The following RBFOX1 variants were observed in gnomAD, a reference collection of about 807,000 sequenced individuals.
The protein encoded by RBFOX1 is RNA binding fox-1 homolog 1.
RBFOX1 carries 8 observed loss-of-function variants against 57.7 expected under a neutral mutation model. That is an observed-to-expected ratio of 0.14 (90% CI 0.08 to 0.25). The LOEUF is 0.25. Ranked by LOEUF, RBFOX1 falls within the 10% of genes least tolerant of loss-of-function variation. The pLI is 1.00. For synonymous variants in RBFOX1, 326 were observed against 222.4 expected (o/e 1.47, Z -4.15); for missense variants, 611 against 548.5 (o/e 1.11, Z -1.14).
At chr16:6,852,016 C>T (rs1484396942) in intron 3 of RBFOX1, among the ~76,000 whole-genome samples, 1 of 148,418 alleles carries the variant, frequency 6.7e-6, no homozygotes, top group Non-Finnish European at 1.5e-5. Flanking sequence ...AGCTCCATCT[C>T]CCGGGTTCAT....
rs575712498 is a variant in RBFOX1 at position 5,762,393 on chromosome 16, G to A, written c.319-104910G>A. ...AAACGAAGAAAGAAAACTCAAGTCA[G>A]TGTTGGCCAAGAGGGTTGGGAGTCA... On this transcript the variant is annotated intron_variant, in intron 3 of 19. Coordinates refer to the RBFOX1 transcript ENST00000641259. Among the ~76,000 whole-genome samples, 6 of 151,522 alleles carry A rather than the reference G, an allele frequency of 4.0e-5. No individual in the cohort carries two copies. The East Asian group carries it at 5.8e-4, about 15-fold the overall frequency.
chr16:6,167,770 G>A (rs899112576), intron 1 of RBFOX1, among the ~76,000 whole-genome samples: 5 of 152,116 alleles, frequency 3.3e-5, no homozygotes, highest in Non-Finnish European at 7.4e-5. Context: ...GCCTCAGAGT[G>A]GGCATTGTTC....
chr16:5,572,490 A>C (rs2046315654), intron 2 of RBFOX1, among the ~76,000 whole-genome samples: 1 of 152,140 alleles, frequency 6.6e-6, no homozygotes, highest in Non-Finnish European at 1.5e-5. Context: ...ACAGCATCCT[A>C]GGTCTCTACT....
chr16:6,087,873 G>C (rs1456009130), intron 1 of RBFOX1, among the ~76,000 whole-genome samples: 1 of 151,962 alleles, frequency 6.6e-6, no homozygotes. Flanking sequence ...GAATGGTCTC[G>C]ATCTCTTGAC....
At chr16:5,308,375 C>T (rs1203921951) in intron 1 of RBFOX1, among the ~76,000 whole-genome samples, 1 of 151,814 alleles carries the variant, frequency 6.6e-6, no homozygotes, top group Admixed American at 6.6e-5. Flanking sequence ...CCTTTGTCCG[C>T]TCCCAAGAGG....
At chr16:5,289,750 G>C in intron 1 of RBFOX1, among the ~76,000 whole-genome samples, 1 of 152,230 alleles carries the variant, frequency 6.6e-6, no homozygotes, top group East Asian at 1.9e-4. Context: ...GGCATAAAGA[G>C]AATGTATAAA....
At chr16:5,428,610 C>T (rs562789295) in intron 1 of RBFOX1, among the ~76,000 whole-genome samples, 5 of 152,066 alleles carry the variant, frequency 3.3e-5, no homozygotes, top group South Asian at 4.2e-4. Flanking sequence ...TGACGTTAGC[C>T]GGGGAGATCT....
chr16:5,411,874 C>T (rs1008548599), intron 1 of RBFOX1, among the ~76,000 whole-genome samples: 1 of 152,108 alleles, frequency 6.6e-6, no homozygotes, highest in Non-Finnish European at 1.5e-5. Context: ...CAGAGTGAGA[C>T]CCTGTCTCAA....
chr16:5,790,954 T>C (rs1269915609), intron 3 of RBFOX1, among the ~76,000 whole-genome samples: 8 of 151,674 alleles, frequency 5.3e-5, no homozygotes, highest in Non-Finnish European at 1.2e-4. Flanking sequence ...CTGCAACCTC[T>C]GCTTTCTGGG....
chr16:6,190,003 T>C (rs78011115), intron 1 of RBFOX1, among the ~76,000 whole-genome samples: 1 of 152,194 alleles, frequency 6.6e-6, no homozygotes, highest in Non-Finnish European at 1.5e-5. Context: ...AGGTCTTAGA[T>C]TGAAATTTCA....
chr16:5,792,112 C>G (rs895586319), intron 3 of RBFOX1, among the ~76,000 whole-genome samples: 1 of 152,144 alleles, frequency 6.6e-6, no homozygotes, highest in South Asian at 2.1e-4. Context: ...AGCTAGTTAT[C>G]GTGGATAAGT....
intron 3 of RBFOX1, among the ~76,000 whole-genome samples, chr16:5,795,933 C>T (rs541362463): frequency 1.3e-5 from 2 of 152,232 alleles, no homozygotes; most frequent in African/African-American, 4.8e-5. Flanking sequence ...GTCGACAACA[C>T]TCACCAGTTG....
At chr16:6,760,613 G>C (rs2076465455) in intron 3 of RBFOX1, among the ~76,000 whole-genome samples, 1 of 152,190 alleles carries the variant, frequency 6.6e-6, no homozygotes, top group African/African-American at 2.4e-5. Context: ...CTGACTTGAA[G>C]TACTAGACTG....
chr16:6,555,253 C>A (rs112184498), intron 2 of RBFOX1, among the ~76,000 whole-genome samples: 1 of 152,174 alleles, frequency 6.6e-6, no homozygotes, highest in African/African-American at 2.4e-5. Context: ...AAGCCTGTCT[C>A]TTTAATTAAT....
At chr16:5,702,921 CT>C (rs1567418996) in intron 3 of RBFOX1, among the ~76,000 whole-genome samples, 1 of 152,194 alleles carries the variant, frequency 6.6e-6, no homozygotes, top group Non-Finnish European at 1.5e-5. Context: ...CTTATTGTAT[CT>C]GTTACTATGT....
chr16:6,722,410 A>G (rs1388720871), intron 3 of RBFOX1, among the ~76,000 whole-genome samples: 1 of 152,196 alleles, frequency 6.6e-6, no homozygotes, highest in East Asian at 1.9e-4. Flanking sequence ...CTTAGGAAGT[A>G]TATTATTTGC....
chr16:6,848,877 G>A (rs1012592989), intron 3 of RBFOX1, among the ~76,000 whole-genome samples: 2 of 152,170 alleles, frequency 1.3e-5, no homozygotes, highest in African/African-American at 4.8e-5. Flanking sequence ...TTCCTCAGGT[G>A]TCAAAGAGGA....
chr16:7,658,589 C>G (rs1290960756), intron 12 of RBFOX1, among the ~76,000 whole-genome samples: 1 of 152,228 alleles, frequency 6.6e-6, no homozygotes, highest in East Asian at 1.9e-4. Context: ...TGGAGACAAA[C>G]CCTGTAGACT....
chr16:7,475,294 T>G (rs1030589911), intron 4 of RBFOX1, among the ~76,000 whole-genome samples: 1 of 151,364 alleles, frequency 6.6e-6, no homozygotes, highest in East Asian at 1.9e-4. Context: ...TTAATAGATT[T>G]GAAGGATGGG....
Sources: gnomAD v4.1 joint callset for allele counts (sites outside exome capture counted in the v4.1 genomes callset) on GRCh38, gnomAD v4.1.1 for gene constraint, MANE v1.5 for transcripts, NCBI Gene and HGNC (gene_info 2026-07-23, HGNC 2026-07-21) for gene names.